The following DYNLT5 variants were observed in gnomAD, a reference collection of about 807,000 sequenced individuals.
DYNLT5 encodes dynein light chain Tctex-type 5.
DYNLT5 carries 25 observed loss-of-function variants against 19.3 expected under a neutral mutation model. The ratio of observed to expected loss-of-function variants is 1.30; its 90% CI spans 0.95 to 1.81. The LOEUF (loss-of-function observed/expected upper bound fraction) is 1.81. DYNLT5 is among the 40% of genes most tolerant of loss of function. The pLI, the probability that DYNLT5 is intolerant of heterozygous loss-of-function variation, is 0.00. For synonymous variants in DYNLT5, 82 were observed against 68.9 expected, an observed-to-expected ratio of 1.19 and a Z score of -0.94; for missense variants, 232 against 217.9, an observed-to-expected ratio of 1.06 and a Z score of -0.41.
chr1:66,776,408 G>C lies in DYNLT5; in HGVS notation c.336+5G>C. The C allele has an allele frequency of 6.3e-7, 1 of 1,594,738 alleles. No individual in the cohort carries two copies. Among genetic ancestry groups the C allele is most frequent in the Non-Finnish European group, 8.6e-7 (1 of 1,168,538 alleles). ...ATGACTAAAACCATTTCTGAGGTAC[G>C]TGTGTGATTTGCCCAAAGTGTTAAC... is the stretch of plus-strand genomic sequence containing the variant. On this transcript the variant is annotated splice_donor_5th_base_variant and intron_variant, in intron 4 of 4. Transcript: ENST00000282670.
intron 3 of DYNLT5, 147 bp from the exon 4 acceptor site, chr1:66,776,132 C>T (rs1478281222): frequency 1.9e-6 from 2 of 1,047,658 alleles, no homozygotes; most frequent in African/African-American, 1.6e-5. Flanking sequence ...TGACAGGAAA[C>T]CTAATTAGAG....
chr1:66,767,640 C>A (rs191440514), intron 2 of DYNLT5, among the ~76,000 whole-genome samples: 4 of 152,270 alleles, frequency 2.6e-5, no homozygotes, highest in African/African-American at 9.6e-5. Flanking sequence ...TCTATCAGAT[C>A]TACTGCTGCA....
chr1:66,759,086 G>A (rs1248384461), intron 2 of DYNLT5, among the ~76,000 whole-genome samples: 2 of 152,082 alleles, frequency 1.3e-5, no homozygotes, highest in Non-Finnish European at 2.9e-5. Context: ...AACTAATATT[G>A]TATTGTCATT....
At chr1:66,755,035 A>G (rs1270072288) in intron 2 of DYNLT5, among the ~76,000 whole-genome samples, 1 of 152,206 alleles carries the variant, frequency 6.6e-6, no homozygotes, top group Non-Finnish European at 1.5e-5. Flanking sequence ...CACCACATGC[A>G]ATGTAAACCA....
At chr1:66,762,510 C>T (rs1465205515) in intron 2 of DYNLT5, among the ~76,000 whole-genome samples, 2 of 152,144 alleles carry the variant, frequency 1.3e-5, no homozygotes, top group African/African-American at 4.8e-5. Context: ...CAAAGTCATC[C>T]CTGAGGGCTA....
intron 2 of DYNLT5, among the ~76,000 whole-genome samples, chr1:66,756,400 T>A (rs1190773333): frequency 6.6e-6 from 1 of 152,170 alleles, no homozygotes; most frequent in Admixed American, 6.5e-5. Context: ...ACAGTACAAG[T>A]TATTCTCCTT....
At chr1:66,768,791 C>T (rs192283049) in intron 2 of DYNLT5, 3 of 152,232 alleles carry the variant, frequency 2.0e-5, no homozygotes, top group African/African-American at 2.4e-5. Context: ...TTAATTATTT[C>T]ATTGTCCCTA....
At chr1:66,754,594 T>C (rs1215938137) in intron 1 of DYNLT5, 62 bp from the exon 2 acceptor site, 9 of 1,528,500 alleles carry the variant, frequency 5.9e-6, no homozygotes, top group Middle Eastern at 1.8e-4. Flanking sequence ...TAGTCCCTGT[T>C]ATACTAACTA....
At chr1:66,755,262 C>T (rs970076338) in intron 2 of DYNLT5, among the ~76,000 whole-genome samples, 3 of 152,054 alleles carry the variant, frequency 2.0e-5, no homozygotes, top group Non-Finnish European at 4.4e-5. Context: ...AATTATTGGA[C>T]ACTTTAAGTT....
At chr1:66,763,822 A>T (rs56336376) in intron 2 of DYNLT5, among the ~76,000 whole-genome samples, 32,868 of 152,144 alleles carry the variant, frequency 0.22, 4,255 homozygotes, top group African/African-American at 0.37. Flanking sequence ...ACTTTCTCCA[A>T]ATCAGCAATA....
intron 2 of DYNLT5, among the ~76,000 whole-genome samples, chr1:66,767,776 A>T (rs1572548866): frequency 6.6e-6 from 1 of 152,236 alleles, no homozygotes; most frequent in South Asian, 2.1e-4. Flanking sequence ...CTCAAGACCC[A>T]AGATAGTGCT....
intron 2 of DYNLT5, among the ~76,000 whole-genome samples, chr1:66,765,026 C>A (rs1357275606): frequency 6.6e-6 from 1 of 152,048 alleles, no homozygotes; most frequent in East Asian, 1.9e-4. Context: ...CAGAAGGGCT[C>A]TTATTTTTAT....
At position 66,768,916 on chromosome 1, in the gene DYNLT5, T is replaced by C. The variant is rs555557208; in HGVS notation, c.120-1471T>C. Among the ~76,000 whole-genome samples the C allele has an allele frequency of 2.0e-3, 308 of 152,316 alleles. 1 individual carries two copies. The highest frequency in any genetic ancestry group is 3.8e-3 in the Non-Finnish European group (260 of 68,014). On this transcript the variant is annotated intron_variant, in intron 2 of 4. Coordinates refer to ENST00000282670, the MANE Select transcript of DYNLT5 (RefSeq NM_152665.3). ...ACATTAAGCCCTTTGCCTCATTCCC[T>C]TTATCTCTGAAATGGGTAGAATAAT...
intron 2 of DYNLT5, among the ~76,000 whole-genome samples, chr1:66,765,455 A>C (rs142507421): frequency 6.6e-6 from 1 of 152,168 alleles, no homozygotes; most frequent in Non-Finnish European, 1.5e-5. Context: ...ATTAGATGCT[A>C]TTGTGGCTGA....
At chr1:66,772,045 A>G (rs1469198701) in intron 3 of DYNLT5, among the ~76,000 whole-genome samples, 1 of 152,156 alleles carries the variant, frequency 6.6e-6, no homozygotes, top group Non-Finnish European at 1.5e-5. Context: ...TCAACCAGCC[A>G]TTTTATTAAT....
intron 2 of DYNLT5, among the ~76,000 whole-genome samples, chr1:66,758,748 G>T (rs2150860135): frequency 6.6e-6 from 1 of 152,214 alleles, no homozygotes; most frequent in East Asian, 1.9e-4. Context: ...ACATTGTCTA[G>T]GTCTTGCCAG....
At chr1:66,764,196 A>C (rs992438380) in intron 2 of DYNLT5, among the ~76,000 whole-genome samples, 16 of 152,144 alleles carry the variant, frequency 1.1e-4, no homozygotes, top group East Asian at 3.8e-4. Flanking sequence ...TCAAAAAAAA[A>C]CAAAAACAAA....
intron 3 of DYNLT5, chr1:66,770,902 C>G (rs942726079): frequency 8.7e-6 from 2 of 229,720 alleles, no homozygotes; most frequent in Non-Finnish European, 1.7e-5. Context: ...TTGACAGAGA[C>G]GTTTATCCAT....
chr1:66,774,094 G>A (rs10493419), intron 3 of DYNLT5, among the ~76,000 whole-genome samples: 15,708 of 151,970 alleles, frequency 0.1, 995 homozygotes, highest in South Asian at 0.16. Flanking sequence ...CTGTACAACG[G>A]GAACTACTGG....
Sources: allele counts gnomAD v4.1 joint callset (sites outside exome capture counted in the v4.1 genomes callset), GRCh38; gene constraint gnomAD v4.1.1; transcripts MANE v1.5; gene names NCBI Gene and HGNC (gene_info 2026-07-23, HGNC 2026-07-21).